Variants in AFF4 observed in about 807,000 individuals in gnomAD.
AFF4 encodes the protein AF4/FMR2 family member 4.
Under a neutral mutation model 124.8 loss-of-function variants are expected in AFF4, and 13 were observed. The observed-to-expected ratio is 0.10, with a 90% CI of 0.07 to 0.17. AFF4 has a LOEUF of 0.17. Among genes scored for constraint, AFF4 ranks in the 10% least tolerant of loss-of-function variants. The pLI, the probability that AFF4 is intolerant of heterozygous loss-of-function variation, is 1.00. For missense variants in AFF4, 1,092 were observed against 1,403.8 expected (o/e 0.78, Z 3.55); for synonymous variants, 477 against 496.1 (o/e 0.96, Z 0.51).
intron 19 of AFF4, 69 bp from the exon 20 acceptor site, chr5:132,883,629 C>G: frequency 7.3e-7 from 1 of 1,367,572 alleles, no homozygotes; most frequent in South Asian, 1.2e-5. Flanking sequence ...GTACTACTAG[C>G]TCTTTCTACA....
chr5:132,942,004 C>T (rs1266287837), intron 1 of AFF4, among the ~76,000 whole-genome samples: 1 of 146,046 alleles, frequency 6.8e-6, no homozygotes, highest in Non-Finnish European at 1.5e-5. Flanking sequence ...AAGACTCCAT[C>T]TCAAAAAAAA....
At chr5:132,949,712 G>GCA (rs1761789818) in intron 1 of AFF4, among the ~76,000 whole-genome samples, 1 of 149,486 alleles carries the variant, frequency 6.7e-6, no homozygotes. Context: ...GCGCGCGCGC[G>GCA]CGCGCCAGGC....
chr5:132,879,459 G>A lies in AFF4; in HGVS notation c.*1600C>T, dbSNP rs1302842744. ...TACCCAACTGGTTAGACTAAGTCAT[G>A]TACCAAAGCAATAGCTTTTCTGAAA... On this transcript the variant is annotated 3_prime_UTR_variant, in exon 21 of 21. Transcript: ENST00000265343. 4.9e-6 allele frequency: 1 copy of A among 203,526 alleles called. No individual in the cohort carries two copies. The highest frequency in any genetic ancestry group is 2.3e-5 in the African/African-American group (1 of 43,662). 12.6% of individuals were successfully genotyped at this position (203,526 alleles called of 1,614,324 possible).
At chr5:132,922,233 T>C (rs1442200634) in intron 5 of AFF4, among the ~76,000 whole-genome samples, 1 of 151,946 alleles carries the variant, frequency 6.6e-6, no homozygotes, top group Non-Finnish European at 1.5e-5. Context: ...GCCTGAGCAA[T>C]GTGGCAAAAC....
chr5:132,942,590 G>A (rs13174209), intron 1 of AFF4, among the ~76,000 whole-genome samples: 54,629 of 151,542 alleles, frequency 0.36, 10,306 homozygotes, highest in East Asian at 0.59. Flanking sequence ...TCAACCTCCC[G>A]AGTAGCTGGG....
At chr5:132,892,950 G>C in intron 12 of AFF4, 80 bp downstream of exon 12, 1 of 1,330,370 alleles carries the variant, frequency 7.5e-7, no homozygotes. Flanking sequence ...GGAACACTCA[G>C]AGCATGTCAG....
intron 1 of AFF4, among the ~76,000 whole-genome samples, chr5:132,949,172 C>T (rs1480409139): frequency 1.3e-5 from 2 of 150,502 alleles, no homozygotes; most frequent in East Asian, 3.9e-4. Context: ...CAAAACTACA[C>T]CAAATTACAT....
chr5:132,955,813 T>TATATAC (rs1554079228), intron 1 of AFF4, among the ~76,000 whole-genome samples: 10 of 137,480 alleles, frequency 7.3e-5, no homozygotes, highest in African/African-American at 1.9e-4. Context: ...TATATATATA[T>TATATAC]ACACACACAC....
intron 9 of AFF4, 42 bp downstream of exon 9, chr5:132,899,062 C>CCCAACTCTTA: frequency 6.3e-7 from 1 of 1,585,628 alleles, no homozygotes; most frequent in Non-Finnish European, 8.7e-7. Flanking sequence ...ATCAGGCTGA[C>CCCAACTCTTA]CCAACTCTTA....
At chr5:132,918,553 C>A (rs183531008) in intron 5 of AFF4, among the ~76,000 whole-genome samples, 1 of 152,026 alleles carries the variant, frequency 6.6e-6, no homozygotes, top group African/African-American at 2.4e-5. Context: ...TCCCAGCTAC[C>A]TGGGAGGCTG....
intron 1 of AFF4, among the ~76,000 whole-genome samples, chr5:132,945,693 A>G (rs764084459): frequency 2.0e-5 from 3 of 151,844 alleles, no homozygotes; most frequent in Non-Finnish European, 4.4e-5. Context: ...TGGAGGTTGC[A>G]GTGAGCCAAC....
intron 4 of AFF4, among the ~76,000 whole-genome samples, chr5:132,927,953 G>C (rs1191496602): frequency 2.0e-5 from 3 of 152,166 alleles, no homozygotes; most frequent in Admixed American, 6.5e-5. Flanking sequence ...GTGTATGTTA[G>C]ATAAGCCAAG....
Position 132,904,420 on chromosome 5 carries a change from A to C in AFF4, c.1051-16T>G. The C allele has an allele frequency of 6.2e-7, 1 of 1,600,728 alleles. No homozygotes were observed. The highest frequency in any genetic ancestry group is 8.5e-7 in the Non-Finnish European group (1 of 1,173,720). ...GCTGAGACTCCTAAGAAAAAGGAAC[A>C]TAAAATTATACAAAGTTACACTAAA... On this transcript the variant is annotated splice_polypyrimidine_tract_variant and intron_variant, in intron 5 of 20. Coordinates refer to ENST00000265343, the MANE Select transcript of AFF4 (RefSeq NM_014423.4).
At chr5:132,917,579 T>C (rs1490618657) in intron 5 of AFF4, among the ~76,000 whole-genome samples, 1 of 152,106 alleles carries the variant, frequency 6.6e-6, no homozygotes, top group Non-Finnish European at 1.5e-5. Flanking sequence ...AAAATCTTTA[T>C]TCACAGGTGA....
At chr5:132,931,106 CAA>C (rs35923089) in intron 4 of AFF4, among the ~76,000 whole-genome samples, 13 of 96,796 alleles carry the variant, frequency 1.3e-4, no homozygotes, top group Admixed American at 2.3e-4. Flanking sequence ...AACTCTGGCT[CAA>C]AAAAAAAAAA....
chr5:132,945,801 C>T (rs1262710318), intron 1 of AFF4, among the ~76,000 whole-genome samples: 1 of 151,722 alleles, frequency 6.6e-6, no homozygotes, highest in African/African-American at 2.4e-5. Flanking sequence ...TGGCTCGCGC[C>T]TGTAATCCTA....
chr5:132,907,908 A>G (rs917038812), intron 5 of AFF4, among the ~76,000 whole-genome samples: 3 of 152,178 alleles, frequency 2.0e-5, no homozygotes, highest in African/African-American at 7.2e-5. Flanking sequence ...CACAGTTTAC[A>G]GACTTATAGA....
At position 132,934,484 on chromosome 5, in the gene AFF4, T is replaced by C. The variant is rs761446908; in HGVS notation, c.581A>G (p.His194Arg). The C allele has an allele frequency of 3.1e-6, 5 of 1,614,056 alleles. No homozygotes were observed. The African/African-American group carries it at 4.0e-5, about 13-fold the overall frequency. Residue 194 changes from histidine to arginine, a missense_variant, in exon 3 of 21, where the codon CAT becomes CGT. His to Arg is a conservative substitution (Grantham distance 29). Transcript: ENST00000265343. The stretch of plus-strand genomic sequence containing the variant: ...GTGATCATTCCCATGAGACCTGGAA[T>C]GACTAGAGTTTAATGAAGAAACAGC... ...PQAVSSLNSS[H>R]SRSHGNDHHS...
intron 5 of AFF4, among the ~76,000 whole-genome samples, chr5:132,916,576 C>G (rs1459470642): frequency 6.6e-6 from 1 of 152,058 alleles, no homozygotes; most frequent in East Asian, 1.9e-4. Context: ...TACTTCAGCC[C>G]ACTCCAAAAT....
Sources: gnomAD v4.1 joint callset for allele counts (sites outside exome capture counted in the v4.1 genomes callset) on GRCh38, gnomAD v4.1.1 for gene constraint, MANE v1.5 for transcripts, NCBI Gene and HGNC (gene_info 2026-07-23, HGNC 2026-07-21) for gene names.